Variants in IFT80 observed in about 807,000 individuals in gnomAD.
The protein encoded by IFT80 is intraflagellar transport 80, also known as intraflagellar transport protein 80 homolog.
A neutral mutation model predicts 107.9 loss-of-function variants in IFT80; 79 were observed. The ratio of observed to expected loss-of-function variants is 0.73; its 90% CI spans 0.61 to 0.88. The LOEUF (loss-of-function observed/expected upper bound fraction) is 0.88, where lower values mean the gene tolerates loss of function less well. Among genes scored for constraint, IFT80 ranks in the 40% least tolerant of loss-of-function variants. The pLI, the probability that IFT80 is intolerant of heterozygous loss-of-function variation, is 0.00. For synonymous variants in IFT80, 299 were observed against 300.9 expected, an observed-to-expected ratio of 0.99 and a Z score of 0.07; for missense variants, 797 against 914.2, an observed-to-expected ratio of 0.87 and a Z score of 1.65.
At chr3:160,378,340 A>G (rs1175536847) in intron 3 of IFT80, among the ~76,000 whole-genome samples, 1 of 151,858 alleles carries the variant, frequency 6.6e-6, no homozygotes, top group Non-Finnish European at 1.5e-5. Context: ...ACAGAATTTT[A>G]TGCCCCTCTG....
At chr3:160,281,175 C>G (rs1177683328) in intron 14 of IFT80, among the ~76,000 whole-genome samples, 7 of 152,180 alleles carry the variant, frequency 4.6e-5, no homozygotes, top group Admixed American at 4.6e-4. Flanking sequence ...CACTCTTCTA[C>G]AGGGGACCCC....
At chr3:160,279,770 A>C (rs1370772106) in intron 15 of IFT80, among the ~76,000 whole-genome samples, 2 of 152,142 alleles carry the variant, frequency 1.3e-5, no homozygotes, top group African/African-American at 4.8e-5. Context: ...AAATTCCAAG[A>C]CTATTTTCTC....
chr3:160,312,824 AATAT>A lies in IFT80; in HGVS notation c.958-5047_958-5044del, dbSNP rs1257230019. Among the ~76,000 whole-genome samples, 43 of 34,570 alleles carry A rather than the reference AATAT, an allele frequency of 1.2e-3. 4 individuals carry two copies. Among genetic ancestry groups the A allele is most frequent in the South Asian group, 7.0e-3 (9 of 1,284 alleles). 22.7% of individuals were successfully genotyped at this position (34,570 alleles called of 152,430 possible). A position where few individuals can be genotyped will look rare whatever the true frequency, so the allele number is the denominator to read the frequency against. ...AAATGTATATTATATATAAATATAT[AATAT>A]ATATATAATAAATGTATATTATATA... On this transcript the variant is annotated intron_variant, in intron 9 of 19. Transcript: ENST00000326448.
chr3:160,393,221 A>G (rs2108423058), intron 1 of IFT80, among the ~76,000 whole-genome samples: 1 of 152,354 alleles, frequency 6.6e-6, no homozygotes, highest in South Asian at 2.1e-4. Context: ...AAACCATCAT[A>G]GTCTGAGACT....
intron 12 of IFT80, among the ~76,000 whole-genome samples, chr3:160,292,319 C>A (rs1248069137): frequency 2.0e-5 from 3 of 152,110 alleles, no homozygotes; most frequent in Admixed American, 6.5e-5. Context: ...ATATCTTCCC[C>A]AGAGTAATGG....
At chr3:160,282,712 A>G (rs1315194125) in intron 13 of IFT80, 99 bp from the exon 14 acceptor site, 1 of 750,162 alleles carries the variant, frequency 1.3e-6, no homozygotes, top group African/African-American at 1.8e-5. Context: ...GATCAATTAA[A>G]TGTCATTTCC....
intron 12 of IFT80, among the ~76,000 whole-genome samples, chr3:160,297,400 G>C (rs1340901638): frequency 1.3e-5 from 2 of 152,084 alleles, no homozygotes; most frequent in African/African-American, 4.8e-5. Flanking sequence ...AATGGCATAA[G>C]AGAGAAGTGG....
At chr3:160,266,873 G>A (rs1713375024) in intron 19 of IFT80, among the ~76,000 whole-genome samples, 4 of 152,054 alleles carry the variant, frequency 2.6e-5, no homozygotes, top group Admixed American at 2.6e-4. Context: ...TGACCTTTGT[G>A]TCACAGTTCT....
intron 8 of IFT80, among the ~76,000 whole-genome samples, chr3:160,347,917 A>C (rs1221895719): frequency 6.6e-6 from 1 of 152,164 alleles, no homozygotes; most frequent in Non-Finnish European, 1.5e-5. Flanking sequence ...CCTAGAAGAG[A>C]GATTCCTGAG....
chr3:160,366,706 A>C (rs956082777), intron 5 of IFT80, among the ~76,000 whole-genome samples: 4 of 152,012 alleles, frequency 2.6e-5, no homozygotes, highest in African/African-American at 9.7e-5. Context: ...CAGTAGATAT[A>C]TATATTTATG....
chr3:160,324,007 A>G (rs1282084804), intron 8 of IFT80, among the ~76,000 whole-genome samples: 8 of 152,092 alleles, frequency 5.3e-5, no homozygotes, highest in Non-Finnish European at 7.4e-5. Flanking sequence ...ACACCTCTAC[A>G]CAAATAAACT....
intron 12 of IFT80, among the ~76,000 whole-genome samples, chr3:160,298,530 T>C (rs895727655): frequency 6.6e-6 from 1 of 152,186 alleles, no homozygotes; most frequent in South Asian, 2.1e-4. Context: ...TAAAATTCTA[T>C]CAATTATCAA....
intron 3 of IFT80, among the ~76,000 whole-genome samples, chr3:160,380,267 C>T (rs1205245615): frequency 6.6e-6 from 1 of 151,884 alleles, no homozygotes; most frequent in Non-Finnish European, 1.5e-5. Context: ...GAACTCCTGA[C>T]CTCAAATGAT....
intron 12 of IFT80, among the ~76,000 whole-genome samples, chr3:160,298,894 T>G (rs918182992): frequency 6.6e-6 from 1 of 152,194 alleles, no homozygotes; most frequent in African/African-American, 2.4e-5. Flanking sequence ...GGTAATGCAC[T>G]ATGACATTAC....
intron 8 of IFT80, among the ~76,000 whole-genome samples, chr3:160,352,436 A>G (rs1720780885): frequency 6.6e-6 from 1 of 152,114 alleles, no homozygotes; most frequent in Non-Finnish European, 1.5e-5. Flanking sequence ...TTCATCTCCA[A>G]ATTCAAGGTA....
At chr3:160,337,933 A>C (rs929498648) in intron 8 of IFT80, among the ~76,000 whole-genome samples, 7 of 152,142 alleles carry the variant, frequency 4.6e-5, no homozygotes, top group Non-Finnish European at 1.0e-4. Context: ...GGAAATATTT[A>C]TTGAATGGTA....
chr3:160,308,553 A>G (rs1716993488), intron 9 of IFT80, among the ~76,000 whole-genome samples: 1 of 152,190 alleles, frequency 6.6e-6, no homozygotes, highest in Non-Finnish European at 1.5e-5. Context: ...ATGGCAGTAT[A>G]GTTAAGAGGA....
rs759359510 is a variant in IFT80 at position 160,319,750 on chromosome 3, A to G, written c.957+10T>C. On this transcript the variant is annotated intron_variant, in intron 9 of 19. Coordinates refer to ENST00000326448, the MANE Select transcript of IFT80 (RefSeq NM_020800.3). ...AAGCAGGTTTAATCAACCTTGGAACATAATAATACCTGCATGGCTCTTCTT... is the reference window on the plus strand; with the variant it reads ...AAGCAGGTTTAATCAACCTTGGAACGTAATAATACCTGCATGGCTCTTCTT... The G allele has an allele frequency of 1.2e-6, 2 of 1,610,694 alleles. No homozygotes were observed. The highest frequency in any genetic ancestry group is 1.7e-5 in the Admixed American group (1 of 59,842).
chr3:160,279,490 C>T (rs1714524435), intron 15 of IFT80, 126 bp from the exon 16 acceptor site: 2 of 746,118 alleles, frequency 2.7e-6, no homozygotes, highest in East Asian at 2.7e-5. Context: ...AGGCACACCC[C>T]CAAAGGTTAA....
Sources: allele counts gnomAD v4.1 joint callset (sites outside exome capture counted in the v4.1 genomes callset), GRCh38; gene constraint gnomAD v4.1.1; transcripts MANE v1.5; gene names NCBI Gene and HGNC (gene_info 2026-07-23, HGNC 2026-07-21).